Variants in NISCH observed in about 807,000 individuals in gnomAD.
The protein encoded by NISCH is nischarin, also known as I-1 receptor candidate protein.
NISCH carries 55 observed loss-of-function variants against 138.4 expected under a neutral mutation model. The ratio of observed to expected loss-of-function variants is 0.40; its 90% CI spans 0.32 to 0.50. The LOEUF (loss-of-function observed/expected upper bound fraction) is 0.50. Among genes scored for constraint, NISCH ranks in the 20% least tolerant of loss-of-function variants. NISCH has a pLI of 0.71. For synonymous variants in NISCH, 860 were observed against 861.5 expected (o/e 1.00, Z 0.03); for missense variants, 1,643 against 2,005.5 (o/e 0.82, Z 3.45).
At chr3:52,481,686 G>C in intron 13 of NISCH, 2 of 985,606 alleles carry the variant, frequency 2.0e-6, no homozygotes, top group Non-Finnish European at 1.2e-6. Context: ...CCAGTGAAGA[G>C]CAGGCCCTGG....
chr3:52,488,675 C>T (rs933577343), intron 16 of NISCH, 70 bp downstream of exon 16: 40 of 1,317,788 alleles, frequency 3.0e-5, no homozygotes, highest in Middle Eastern at 2.6e-4. Flanking sequence ...TCAGCATCTG[C>T]GGCTAGTGTG....
chr3:52,461,450 A>G (rs1255887512), intron 3 of NISCH, among the ~76,000 whole-genome samples: 1 of 152,226 alleles, frequency 6.6e-6, no homozygotes, highest in Non-Finnish European at 1.5e-5. Flanking sequence ...ACCAGCAAGT[A>G]TAGGGTTAGC....
At position 52,471,930 on chromosome 3, in the gene NISCH, G is replaced by T. The variant is rs1407976197; in HGVS notation, c.526G>T (p.Asp176Tyr). Residue 176 changes from aspartate (D) to tyrosine (Y), a missense_variant, in exon 5 of 21, where the codon GAC becomes TAC. Asp to Tyr is a radical substitution (Grantham distance 160, BLOSUM62 -3). Transcript: ENST00000345716. ...PTCASGDAKT[D>Y]LGHILDFTCR... is the part of the protein sequence containing the mutation. Reference sequence around the variant, plus strand: ...GTGCGCCAGTGGGGATGCCAAGACCGACCTCGGGCACATCCTGGACTTCAC... The same window carrying T: ...GTGCGCCAGTGGGGATGCCAAGACCTACCTCGGGCACATCCTGGACTTCAC... 1 of 1,611,194 alleles carries T rather than the reference G, an allele frequency of 6.2e-7. No homozygotes were observed. The highest frequency in any genetic ancestry group is 1.7e-5 in the Admixed American group (1 of 59,852).
chr3:52,491,921 C>A lies in NISCH; in HGVS notation c.3954C>A (p.Thr1318=), dbSNP rs769959993. 1.2e-6 allele frequency: 2 copies of A among 1,612,728 alleles called. No individual in the cohort carries two copies. The highest frequency in any genetic ancestry group is 1.7e-6 in the Non-Finnish European group (2 of 1,179,456). Reference sequence around the variant, plus strand: ...TCCACTCTAGTCGCGTCAAGTTTACCTACCCCAGTGAGGAGGAGATTGGGG... The same window carrying A: ...TCCACTCTAGTCGCGTCAAGTTTACATACCCCAGTGAGGAGGAGATTGGGG... ...ELIHSSRVKF[T]YPSEEEIGDL... is the part of the protein sequence containing the mutation. The change falls in exon 21 of 21, where the codon ACC becomes ACA. Residue 1318 remains threonine (T), a synonymous_variant. Transcript: ENST00000345716.
Position 52,488,564 on chromosome 3 carries a change from G to A in NISCH, c.3072G>A (p.Gln1024=). Residue 1024 remains glutamine, a synonymous_variant, in exon 16 of 21, where the codon CAG becomes CAA. Transcript: ENST00000345716. ...CCCCCGGGACGGGAGGCAGCCCCCA[G>A]GGCTCCTTTGCGGATGGCCAGCCTG... The part of the protein sequence containing the change: ...AKTPGTGGSP[Q]GSFADGQPAE... 6.2e-7 allele frequency: 1 copy of A among 1,612,524 alleles called. No homozygotes were observed. The highest frequency in any genetic ancestry group is 2.2e-5 in the East Asian group (1 of 44,866).
At position 52,488,560 on chromosome 3, in the gene NISCH, C is replaced by T; in HGVS notation, c.3068C>T (p.Pro1023Leu). The T allele has an allele frequency of 6.2e-7, 1 of 1,612,690 alleles. No individual in the cohort carries two copies. The highest frequency in any genetic ancestry group is 8.5e-7 in the Non-Finnish European group (1 of 1,179,802). Residue 1023 changes from proline to leucine, a missense_variant, in exon 16 of 21, where the codon CCC (proline) becomes CTC (leucine). Transcript: ENST00000345716. ...IAKTPGTGGSPQGSFADGQPA... is the reference protein window; with the variant it reads ...IAKTPGTGGSLQGSFADGQPA... ...AAGACCCCCGGGACGGGAGGCAGCC[C>T]CCAGGGCTCCTTTGCGGATGGCCAG...
rs931620044 is a variant in NISCH at position 52,473,607 on chromosome 3, C to G, written c.670-127C>G. On this transcript the variant is annotated intron_variant, in intron 6 of 20. Coordinates refer to ENST00000345716, the MANE Select transcript of NISCH (RefSeq NM_007184.4). ...AAGAGACACTTTGGTCTTGAGTGGC[C>G]TCCCATCTCTGAGGATTTGGGTTGC... 5 of 583,126 alleles carry G rather than the reference C, an allele frequency of 8.6e-6. No individual in the cohort carries two copies. In the African/African-American group the frequency reaches 9.2e-5, roughly 11 times the overall value. 36.1% of individuals were successfully genotyped at this position (583,126 alleles called of 1,614,324 possible). A position where few individuals can be genotyped will look rare whatever the true frequency, so the allele number is the denominator to read the frequency against.
intron 8 of NISCH, 125 bp from the exon 9 acceptor site, chr3:52,477,449 C>T (rs1707129368): frequency 2.7e-6 from 2 of 740,800 alleles, no homozygotes; most frequent in African/African-American, 3.4e-5. Context: ...AGTGGTCCTG[C>T]AGGGACGGCC....
At chr3:52,460,684 G>A (rs1257163224) in intron 3 of NISCH, among the ~76,000 whole-genome samples, 1 of 152,136 alleles carries the variant, frequency 6.6e-6, no homozygotes, top group Non-Finnish European at 1.5e-5. Flanking sequence ...CTGTAGGTGT[G>A]AGCCACTGCA....
Position 52,476,482 on chromosome 3 carries a change from G to A in NISCH, c.801G>A (p.Glu267=). ...VLVPEASEFD[E]WEPEGTTLEG... is the part of the protein sequence containing the mutation. ...TTCCTGAAGCCTCAGAATTTGATGA[G>A]TGGGAGCCTGAAGGCACAACCCTAG... The change falls in exon 8 of 21, where the codon GAG becomes GAA. Residue 267 remains glutamate (E), a synonymous_variant. Coordinates refer to ENST00000345716, the MANE Select transcript of NISCH (RefSeq NM_007184.4). 6.2e-7 allele frequency: 1 copy of A among 1,614,144 alleles called. No homozygotes were observed. Among genetic ancestry groups the A allele is most frequent in the Non-Finnish European group, 8.5e-7 (1 of 1,180,034 alleles).
In NISCH at chr3:52,491,357, A is replaced by G; in HGVS notation, c.3748A>G (p.Thr1250Ala). Residue 1250 changes from threonine to alanine, a missense_variant, in exon 20 of 21, where the codon ACC (threonine) becomes GCC (alanine). Physicochemically the swap from Thr to Ala is moderately conservative, Grantham distance 58. Coordinates refer to ENST00000345716, the MANE Select transcript of NISCH (RefSeq NM_007184.4). The part of the protein sequence containing the change: ...FDQHFRLTGS[T>A]PMQVVTCLTR... ...ACCAGCCCCTTCTCGTGCAGGTTCC[A>G]CCCCGATGCAGGTGGTCACGTGCTT... 1 of 1,611,038 alleles carries G rather than the reference A, an allele frequency of 6.2e-7. No homozygotes were observed. Among genetic ancestry groups the G allele is most frequent in the Non-Finnish European group, 8.5e-7 (1 of 1,178,868 alleles).
Position 52,492,213 on chromosome 3 carries a change from C to T in NISCH, c.4246C>T (p.Leu1416=), listed in dbSNP as rs1707588647. Residue 1416 remains leucine, a synonymous_variant, in exon 21 of 21, where the codon CTG becomes TTG. Transcript: ENST00000345716. ...GGACGATGGCCGCCGCGTCCGGGAC[C>T]TGGACCGAGTGCTCATGGGCTACCA... ...RLDDGRRVRD[L]DRVLMGYQTY... 1.9e-6 allele frequency: 3 copies of T among 1,613,154 alleles called. No individual in the cohort carries two copies. Among genetic ancestry groups the T allele is most frequent in the African/African-American group, 1.3e-5 (1 of 75,082 alleles).
rs1430675515 is a variant in NISCH at position 52,478,210 on chromosome 3, A to G, written c.1101A>G (p.Leu367=). Residue 367 remains leucine (L), a synonymous_variant, in exon 10 of 21, where the codon CTA becomes CTG. Transcript: ENST00000345716. The stretch of plus-strand genomic sequence containing the variant: ...CCTTAAACCTGGCAGGCAACCTCCT[A>G]GAGAGTCTGAGTGGCCTGCACAAGC... The part of the protein sequence containing the change: ...IKTLNLAGNL[L]ESLSGLHKLY... The G allele has an allele frequency of 6.2e-7, 1 of 1,614,084 alleles. No homozygotes were observed. Among genetic ancestry groups the G allele is most frequent in the Non-Finnish European group, 8.5e-7 (1 of 1,179,946 alleles).
intron 3 of NISCH, among the ~76,000 whole-genome samples, chr3:52,463,944 C>T (rs1706708034): frequency 6.6e-6 from 1 of 150,848 alleles, no homozygotes; most frequent in African/African-American, 2.4e-5. Context: ...CCAGGATGGT[C>T]TCGAACTTCT....
In NISCH at chr3:52,488,294, C is replaced by T. The variant is rs890431027; in HGVS notation, c.2802C>T (p.Asn934=). ...FNPMPNRGTH[N]CRNRNSFKLS... ...CCATGCCCAACCGTGGCACCCACAACTGTCGCAACCGCAACAGCTTCAAGC... is the reference window on the plus strand; with the variant it reads ...CCATGCCCAACCGTGGCACCCACAATTGTCGCAACCGCAACAGCTTCAAGC... Residue 934 remains asparagine (N), a synonymous_variant, in exon 16 of 21, where the codon AAC becomes AAT. Transcript: ENST00000345716. 3.1e-6 allele frequency: 5 copies of T among 1,610,800 alleles called. No homozygotes were observed. The African/African-American group carries it at 6.7e-5, about 21-fold the overall frequency.
intron 13 of NISCH, 75 bp from the exon 14 acceptor site, chr3:52,484,438 G>A (rs750240314): frequency 2.8e-6 from 4 of 1,444,466 alleles, no homozygotes; most frequent in Admixed American, 2.0e-5. Context: ...GAGGGGCCCA[G>A]CCCCACTTGT....
chr3:52,491,217 G>T, intron 19 of NISCH, 135 bp from the exon 20 acceptor site: 1 of 1,368,870 alleles, frequency 7.3e-7, no homozygotes, highest in Non-Finnish European at 9.6e-7. Flanking sequence ...CGGGCCCCAT[G>T]ATTCTTTCCT....
At chr3:52,466,432 G>A (rs1706781104) in intron 3 of NISCH, among the ~76,000 whole-genome samples, 1 of 152,004 alleles carries the variant, frequency 6.6e-6, no homozygotes, top group African/African-American at 2.4e-5. Flanking sequence ...AGGCATGGTG[G>A]CACCCACCTG....
chr3:52,459,278 G>A (rs1345061401), intron 3 of NISCH, among the ~76,000 whole-genome samples: 2 of 152,204 alleles, frequency 1.3e-5, no homozygotes, highest in Non-Finnish European at 2.9e-5. Flanking sequence ...CGCGCTGCCA[G>A]GGTGCTAAGG....
Sources: gnomAD v4.1 joint callset for allele counts (sites outside exome capture counted in the v4.1 genomes callset) on GRCh38, gnomAD v4.1.1 for gene constraint, MANE v1.5 for transcripts, NCBI Gene and HGNC (gene_info 2026-07-23, HGNC 2026-07-21) for gene names.